The following SRSF10 variants were observed in gnomAD, a reference collection of about 807,000 sequenced individuals.
SRSF10 encodes serine and arginine rich splicing factor 10, also known as serine/arginine-rich splicing factor 10.
SRSF10 carries 9 observed loss-of-function variants against 32.6 expected under a neutral mutation model. That is an observed-to-expected ratio of 0.28 (90% CI 0.17 to 0.48). The LOEUF (loss-of-function observed/expected upper bound fraction) is 0.48, where lower values mean the gene tolerates loss of function less well. SRSF10 is among the 20% of genes least tolerant of loss of function. The probability of loss-of-function intolerance (pLI) is 0.99; values close to 1 mark genes in which losing one functional copy is unlikely to be tolerated. For missense variants in SRSF10, 201 were observed against 331.8 expected, an observed-to-expected ratio of 0.61 and a Z score of 3.06; for synonymous variants, 105 against 112.4, an observed-to-expected ratio of 0.93 and a Z score of 0.42.
At chr1:23,974,857 G>GA (rs1311822447) in intron 3 of SRSF10, 117 bp downstream of exon 3, 41 of 752,210 alleles carry the variant, frequency 5.5e-5, no homozygotes, top group African/African-American at 3.3e-4. Context: ...AAGAAAGAAA[G>GA]AAAAAAAAGA....
At chr1:23,972,829 T>C (rs4403575) in intron 3 of SRSF10, among the ~76,000 whole-genome samples, 149,973 of 151,548 alleles carry the variant, frequency 0.99, 74,223 homozygotes, top group East Asian at 1. Context: ...ACAACCTCCG[T>C]CTCCTGAGTT....
chr1:23,971,102 A>C lies in SRSF10; in HGVS notation c.*40T>G, dbSNP rs1000291060. 7.4e-4 allele frequency: 1,147 copies of C among 1,541,622 alleles called. 8 individuals carry two copies. In the African/African-American group the frequency reaches 0.014, roughly 19 times the overall value. On this transcript the variant is annotated 3_prime_UTR_variant, in exon 6 of 6. Coordinates refer to ENST00000492112, the MANE Select transcript of SRSF10 (RefSeq NM_054016.4). Reference sequence around the variant, plus strand: ...TTTAAGTAAACCAAACTATGAGTAAATGAATGATACATGCCTAAAAATGAC... The same window carrying C: ...TTTAAGTAAACCAAACTATGAGTAACTGAATGATACATGCCTAAAAATGAC...
chr1:23,969,979 T>C lies in SRSF10; in HGVS notation c.*1163A>G. On this transcript the variant is annotated 3_prime_UTR_variant, in exon 6 of 6. Transcript: ENST00000492112. ...TGATACAAATGCACGAGCCAAGTGC[T>C]GTAAGCATCAAAATTTCAGTTCTTT... 2 of 985,402 alleles carry C rather than the reference T, an allele frequency of 2.0e-6. No homozygotes were observed. The highest frequency in any genetic ancestry group is 2.4e-6 in the Non-Finnish European group (2 of 829,934). The allele number at this position is 985,402 out of a possible 1,614,324, so 61.0% of individuals were successfully genotyped here.
Position 23,980,222 on chromosome 1 carries a change from G to A in SRSF10, c.34C>T (p.Leu12=). The A allele has an allele frequency of 7.8e-6, 12 of 1,528,700 alleles. No individual in the cohort carries two copies. Among genetic ancestry groups the A allele is most frequent in the Non-Finnish European group, 1.1e-5 (12 of 1,136,604 alleles). 94.7% of individuals were successfully genotyped at this position (1,528,700 alleles called of 1,614,324 possible). A position where few individuals can be genotyped will look rare whatever the true frequency, so the allele number is the denominator to read the frequency against. ...TCGTCGGCCACGTTCCTGACGAACA[G>A]AGACGTGTTGGGGGGACGCAGGTAG... ...SRYLRPPNTS[L]FVRNVADDTR... Residue 12 remains leucine (L), a synonymous_variant, in exon 1 of 6, where the codon CTG becomes TTG. Transcript: ENST00000492112.
In SRSF10 at chr1:23,975,085, A is replaced by C. The variant is rs1044808832; in HGVS notation, c.171-8T>G. 6.2e-7 allele frequency: 1 copy of C among 1,612,544 alleles called. No homozygotes were observed. The highest frequency in any genetic ancestry group is 1.3e-5 in the African/African-American group (1 of 74,868). ...TCACGAACATCCTCAAATGTGCTAA[A>C]TGTTAAGGGGCTTGGGAAGTTTTGC... On this transcript the variant is annotated splice_polypyrimidine_tract_variant and splice_region_variant and intron_variant, in intron 2 of 5. Coordinates refer to ENST00000492112, the MANE Select transcript of SRSF10 (RefSeq NM_054016.4).
chr1:23,971,617 C>A lies in SRSF10; in HGVS notation c.447G>T (p.Pro149=). Residue 149 remains proline (P), a synonymous_variant, in exon 5 of 6, where the codon CCG becomes CCT. Coordinates refer to ENST00000492112, the MANE Select transcript of SRSF10 (RefSeq NM_054016.4). ...RRSYSPRNSR[P]TGRPRRSRSH... is the part of the protein sequence containing the mutation. ...TTCTGCTACGCCGTGGTCTTCCAGT[C>A]GGTCTACTGCTAAAAAGCATATCAG... is the stretch of plus-strand genomic sequence containing the variant. The A allele has an allele frequency of 6.2e-7, 1 of 1,610,622 alleles. No individual in the cohort carries two copies.
At chr1:23,973,870 TTA>T (rs1170942828) in intron 3 of SRSF10, among the ~76,000 whole-genome samples, 7 of 152,344 alleles carry the variant, frequency 4.6e-5, no homozygotes, top group African/African-American at 1.7e-4. Flanking sequence ...AGCAGATACT[TTA>T]TGTATTGGAG....
rs1184770130 is a variant in SRSF10 at position 23,965,674 on chromosome 1, C to CCT, written c.*5466_*5467dup. 2.6e-5 allele frequency: 4 copies of CCT among 151,832 alleles called. No individual in the cohort carries two copies. Among genetic ancestry groups the CCT allele is most frequent in the Non-Finnish European group, 4.4e-5 (3 of 67,816 alleles). 9.4% of individuals were successfully genotyped at this position (151,832 alleles called of 1,614,324 possible). On this transcript the variant is annotated 3_prime_UTR_variant, in exon 6 of 6. Coordinates refer to ENST00000492112, the MANE Select transcript of SRSF10 (RefSeq NM_054016.4). ...AGAGAGAAACAACCACAGAAGAGAT[C>CCT]CTAAAGCAATTCATTCAACAGATGC... is the stretch of plus-strand genomic sequence containing the variant.
chr1:23,978,607 T>C, intron 2 of SRSF10, 106 bp downstream of exon 2: 2 of 1,373,794 alleles, frequency 1.5e-6, no homozygotes, highest in Non-Finnish European at 9.6e-7. Flanking sequence ...AAGACAGACA[T>C]TTATTAGAGG....
Position 23,971,898 on chromosome 1 carries a change from C to A in SRSF10, c.389G>T (p.Arg130Ile). The A allele has an allele frequency of 6.2e-7, 1 of 1,608,140 alleles. No individual in the cohort carries two copies. The highest frequency in any genetic ancestry group is 8.5e-7 in the Non-Finnish European group (1 of 1,178,262). ...RSRSYERRRSRSRSFDYNYRR... is the reference protein window; with the variant it reads ...RSRSYERRRSISRSFDYNYRR... ...ATAGTTGTAATCAAAAGACCGACTT[C>A]TTGATCTCCTCCTTTCATAACTTCG... The change falls in exon 4 of 6, where the codon AGA becomes ATA. Residue 130 changes from arginine (R) to isoleucine (I), a missense_variant. Transcript: ENST00000492112.
intron 3 of SRSF10, among the ~76,000 whole-genome samples, chr1:23,972,391 C>T (rs1287502216): frequency 6.7e-6 from 1 of 148,412 alleles, no homozygotes; most frequent in Non-Finnish European, 1.5e-5. Flanking sequence ...GGTCAGAGAC[C>T]CTGTCTCCAA....
chr1:23,976,263 G>A (rs1474324428), intron 2 of SRSF10: 3 of 152,126 alleles, frequency 2.0e-5, no homozygotes, highest in Non-Finnish European at 2.9e-5. Context: ...TTTTGAGACC[G>A]ATACTGGTAT....
chr1:23,969,166 T>G lies in SRSF10; in HGVS notation c.*1976A>C. Reference sequence around the variant, plus strand: ...CTGGGTCTTGTTTTGATCCAAACATTGATGTTTTAAAGGTTGTACACAATA... The same window carrying G: ...CTGGGTCTTGTTTTGATCCAAACATGGATGTTTTAAAGGTTGTACACAATA... On this transcript the variant is annotated 3_prime_UTR_variant, in exon 6 of 6. Coordinates refer to ENST00000492112, the MANE Select transcript of SRSF10 (RefSeq NM_054016.4). The G allele has an allele frequency of 1.0e-6, 1 of 985,490 alleles. No homozygotes were observed. Among genetic ancestry groups the G allele is most frequent in the Non-Finnish European group, 1.2e-6 (1 of 829,580 alleles). 61.0% of individuals were successfully genotyped at this position (985,490 alleles called of 1,614,324 possible).
Position 23,971,583 on chromosome 1 carries a change from C to T in SRSF10, c.481G>A (p.Asp161Asn), listed in dbSNP as rs772353036. 3.9e-5 allele frequency: 63 copies of T among 1,610,250 alleles called. No individual in the cohort carries two copies. Among genetic ancestry groups the T allele is most frequent in the Middle Eastern group, 2.2e-4 (1 of 4,514 alleles). ...GRPRRSRSHS[D>N]NDRFKHRNRS... ...AGCAAAGTTATTTACCTATCATTGT[C>T]GGAATGGCTTCTGCTACGCCGTGGT... is the stretch of plus-strand genomic sequence containing the variant. Residue 161 changes from aspartate to asparagine, a missense_variant, in exon 5 of 6, where the codon GAC becomes AAC. Asp to Asn is a conservative substitution (Grantham distance 23, BLOSUM62 1). This residue lies in a region of SRSF10 where 159 missense variants were observed against 196.7 expected (regional missense o/e 0.81). Coordinates refer to ENST00000492112, the MANE Select transcript of SRSF10 (RefSeq NM_054016.4).
chr1:23,978,616 G>A (rs962767014), intron 2 of SRSF10, 97 bp downstream of exon 2: 170 of 1,414,838 alleles, frequency 1.2e-4, no homozygotes, highest in Non-Finnish European at 1.5e-4. Flanking sequence ...ATTTATTAGA[G>A]GACAAAAAGA....
chr1:23,969,224 T>C lies in SRSF10; in HGVS notation c.*1918A>G. The C allele has an allele frequency of 1.0e-6, 1 of 985,280 alleles. No homozygotes were observed. The highest frequency in any genetic ancestry group is 1.2e-6 in the Non-Finnish European group (1 of 829,374). 61.0% of individuals were successfully genotyped at this position (985,280 alleles called of 1,614,324 possible). A position where few individuals can be genotyped will look rare whatever the true frequency, so the allele number is the denominator to read the frequency against. ...AAAAGAACATATAAAAATACCTTTT[T>C]AGAAGCCTCTATAAGAAAGAAAATA... On this transcript the variant is annotated 3_prime_UTR_variant, in exon 6 of 6. Transcript: ENST00000492112.
Position 23,967,611 on chromosome 1 carries a change from C to T in SRSF10, c.*3531G>A. ...TACAGTATTCATACTGCAGCACCTT[C>T]CACCCACCCTTTGGTCGCTTGAACT... On this transcript the variant is annotated 3_prime_UTR_variant, in exon 6 of 6. Coordinates refer to ENST00000492112, the MANE Select transcript of SRSF10 (RefSeq NM_054016.4). The T allele has an allele frequency of 9.5e-7, 1 of 1,051,872 alleles. No individual in the cohort carries two copies. Among genetic ancestry groups the T allele is most frequent in the East Asian group, 2.4e-5 (1 of 42,156 alleles). The allele number at this position is 1,051,872 out of a possible 1,614,324, so 65.2% of individuals were successfully genotyped here.
intron 2 of SRSF10, 131 bp from the exon 3 acceptor site, chr1:23,975,208 G>C: frequency 1.4e-6 from 1 of 738,558 alleles, no homozygotes; most frequent in South Asian, 1.7e-5. Context: ...CCACTTACTA[G>C]TTGGTGATTC....
intron 3 of SRSF10, among the ~76,000 whole-genome samples, chr1:23,973,444 C>G (rs2148503985): frequency 6.6e-6 from 1 of 152,282 alleles, no homozygotes; most frequent in Middle Eastern, 3.4e-3. Flanking sequence ...ATCCTCCTGC[C>G]TAGCGGGGAC....
Sources: gnomAD v4.1 joint callset for allele counts (sites outside exome capture counted in the v4.1 genomes callset) on GRCh38, gnomAD v4.1.1 for gene constraint, gnomAD v4.1.1 regional missense constraint, MANE v1.5 for transcripts, NCBI Gene and HGNC (gene_info 2026-07-23, HGNC 2026-07-21) for gene names.